The following AOPEP variants were observed in gnomAD, a reference collection of about 807,000 sequenced individuals.
AOPEP encodes the protein aminopeptidase O (putative).
AOPEP carries 77 observed loss-of-function variants against 98.1 expected under a neutral mutation model. The observed-to-expected ratio is 0.78, with a 90% CI of 0.65 to 0.95. AOPEP has a LOEUF of 0.95. AOPEP is among the 40% of genes least tolerant of loss of function. The pLI, the probability that AOPEP is intolerant of heterozygous loss-of-function variation, is 0.00. For missense variants in AOPEP, 1,024 were observed against 1,024.7 expected, an observed-to-expected ratio of 1.00 and a Z score of 0.01; for synonymous variants, 346 against 365.3, an observed-to-expected ratio of 0.95 and a Z score of 0.60.
chr9:94,906,489 A>AAG (rs2051172370), intron 5 of AOPEP, among the ~76,000 whole-genome samples: 2 of 149,888 alleles, frequency 1.3e-5, no homozygotes, highest in African/African-American at 4.9e-5. Flanking sequence ...TAATAAAAAA[A>AAG]CAGACCCCCT....
intron 5 of AOPEP, among the ~76,000 whole-genome samples, chr9:94,803,945 TCTTGA>T (rs2133818570): frequency 6.6e-6 from 1 of 152,340 alleles, no homozygotes; most frequent in Admixed American, 6.5e-5. Flanking sequence ...AGTATACATT[TCTTGA>T]CTTGACTACT....
intron 5 of AOPEP, among the ~76,000 whole-genome samples, chr9:94,909,311 G>T (rs1320309447): frequency 8.7e-6 from 1 of 115,592 alleles, no homozygotes; most frequent in Admixed American, 1.2e-4. Context: ...TTTTCACACA[G>T]ATGTGTTCAA....
intron 5 of AOPEP, among the ~76,000 whole-genome samples, chr9:94,888,541 G>A (rs774219281): frequency 6.6e-6 from 1 of 152,146 alleles, no homozygotes; most frequent in Non-Finnish European, 1.5e-5. Context: ...GTATCAAGAT[G>A]TACTAGTCTG....
At chr9:94,793,795 G>A (rs1846301816) in intron 4 of AOPEP, among the ~76,000 whole-genome samples, 1 of 152,198 alleles carries the variant, frequency 6.6e-6, no homozygotes, top group Non-Finnish European at 1.5e-5. Flanking sequence ...GAAGTCTGCT[G>A]AAATATTTAT....
At position 94,798,037 on chromosome 9, in the gene AOPEP, C is replaced by A. The variant is rs947063443; in HGVS notation, c.1119-2720C>A. ...CCTTTTCTAACCAATTCCTTACCTC[C>A]TCCAGCAGCCACTTTGGTGAGACTA... On this transcript the variant is annotated intron_variant, in intron 4 of 16. Coordinates refer to ENST00000375315, the MANE Select transcript of AOPEP (RefSeq NM_001193329.3). Among the ~76,000 whole-genome samples the A allele has an allele frequency of 7.2e-5, 11 of 152,248 alleles. No individual in the cohort carries two copies. The East Asian group carries it at 2.1e-3, about 29-fold the overall frequency.
intron 5 of AOPEP, among the ~76,000 whole-genome samples, chr9:94,905,584 A>G (rs1247474245): frequency 6.6e-6 from 1 of 152,166 alleles, no homozygotes. Flanking sequence ...TAGCCTCATC[A>G]TTCAAATGTA....
the AOPEP span, among the ~76,000 whole-genome samples, chr9:95,098,614 G>T: frequency 6.6e-6 from 1 of 152,188 alleles, no homozygotes; most frequent in Non-Finnish European, 1.5e-5. Context: ...CGCCTTGGCC[G>T]CATCACTCAT....
At position 94,999,678 on chromosome 9, in the gene AOPEP, C is replaced by T. The variant is rs562635252; in HGVS notation, c.1978-5480C>T. On this transcript the variant is annotated intron_variant, in intron 11 of 16. Transcript: ENST00000375315. ...CACAGAGTGCCCATAAGACCAAGTC[C>T]AGGGCCAGCTTTAAAAGTGGTCTGG... is the stretch of plus-strand genomic sequence containing the variant. Among the ~76,000 whole-genome samples, 7 of 152,198 alleles carry T rather than the reference C, an allele frequency of 4.6e-5. No individual in the cohort carries two copies. In the East Asian group the frequency reaches 1.4e-3, roughly 29 times the overall value.
At chr9:94,839,649 G>A (rs2042052999) in intron 5 of AOPEP, among the ~76,000 whole-genome samples, 1 of 152,190 alleles carries the variant, frequency 6.6e-6, no homozygotes, top group African/African-American at 2.4e-5. Flanking sequence ...TCAGTGAATA[G>A]GGACAGTTTT....
intron 9 of AOPEP, 72 bp downstream of exon 9, chr9:94,956,087 C>A: frequency 1.1e-6 from 1 of 884,002 alleles, no homozygotes; most frequent in Non-Finnish European, 1.8e-6. Flanking sequence ...TTAGATTATG[C>A]CAGTATTAAA....
intron 11 of AOPEP, among the ~76,000 whole-genome samples, chr9:94,994,004 C>G (rs1256363445): frequency 6.6e-6 from 1 of 152,200 alleles, no homozygotes. Context: ...AGCGCTTCCT[C>G]TTGTTTTTCT....
intron 7 of AOPEP, among the ~76,000 whole-genome samples, chr9:94,939,841 T>G (rs989506343): frequency 6.6e-6 from 1 of 152,156 alleles, no homozygotes; most frequent in African/African-American, 2.4e-5. Flanking sequence ...AGAAAGCTGG[T>G]CCTTTGTATC....
intron 16 of AOPEP, chr9:95,086,358 G>C: frequency 4.1e-6 from 4 of 985,454 alleles, no homozygotes; most frequent in Non-Finnish European, 4.8e-6. Context: ...AGGGAGGCAG[G>C]GCCCAGCTCT....
At chr9:94,839,912 G>A (rs1022132745) in intron 5 of AOPEP, among the ~76,000 whole-genome samples, 2 of 152,114 alleles carry the variant, frequency 1.3e-5, no homozygotes, top group African/African-American at 4.8e-5. Context: ...GGTGCTATAA[G>A]CACCCCACCA....
At chr9:95,141,047 G>T in the AOPEP span, among the ~76,000 whole-genome samples, 2 of 152,030 alleles carry the variant, frequency 1.3e-5, no homozygotes, top group Non-Finnish European at 2.9e-5. Context: ...CAGTGTCTCA[G>T]GCCTGTAGTC....
chr9:94,782,292 A>AG (rs1843469274), intron 3 of AOPEP, among the ~76,000 whole-genome samples: 1 of 152,226 alleles, frequency 6.6e-6, no homozygotes, highest in Admixed American at 6.5e-5. Flanking sequence ...AGCTCCTTCC[A>AG]GATGAAGGAG....
At chr9:95,032,558 C>T (rs1387109589) in intron 13 of AOPEP, among the ~76,000 whole-genome samples, 2 of 152,230 alleles carry the variant, frequency 1.3e-5, no homozygotes, top group Non-Finnish European at 2.9e-5. Context: ...GAGGGTCCTT[C>T]ACCTTGGGTG....
In AOPEP at chr9:94,924,029, A is replaced by G; in HGVS notation, c.1408A>G (p.Asn470Asp). 1 of 1,502,614 alleles carries G rather than the reference A, an allele frequency of 6.7e-7. No individual in the cohort carries two copies. 93.1% of individuals were successfully genotyped at this position (1,502,614 alleles called of 1,614,324 possible). The change falls in exon 6 of 17, where the codon AAC becomes GAC. Residue 470 changes from asparagine (N) to aspartate (D), a missense_variant. Transcript: ENST00000375315. ...CTCTCAGAGCATCTTGACAGGAGGG[A>G]ACCATCTCTGTGGGACCCGCCTCTG... ...FLSQSILTGG[N>D]HLCGTRLCHE...
intron 5 of AOPEP, among the ~76,000 whole-genome samples, chr9:94,919,899 T>C (rs1007856543): frequency 1.3e-5 from 2 of 152,222 alleles, no homozygotes; most frequent in African/African-American, 4.8e-5. Flanking sequence ...GATATTGGGC[T>C]GCACATGTTG....
Sources: allele counts gnomAD v4.1 joint callset (sites outside exome capture counted in the v4.1 genomes callset), GRCh38; gene constraint gnomAD v4.1.1; transcripts MANE v1.5; gene names NCBI Gene and HGNC (gene_info 2026-07-23, HGNC 2026-07-21).